Variants in DLG5 observed in about 807,000 individuals in gnomAD.
DLG5 encodes the protein discs large MAGUK scaffold protein 5.
In DLG5, 48 loss-of-function variants were observed where a neutral mutation model predicts 189.8. That is an observed-to-expected ratio of 0.25 (90% CI 0.20 to 0.32). The LOEUF (loss-of-function observed/expected upper bound fraction) is 0.32, where lower values mean the gene tolerates loss of function less well. Ranked by LOEUF, DLG5 falls within the 10% of genes least tolerant of loss-of-function variation. The pLI, the probability that DLG5 is intolerant of heterozygous loss-of-function variation, is 1.00. For missense variants in DLG5, 2,160 were observed against 2,544.7 expected (o/e 0.85, Z 3.25); for synonymous variants, 1,016 against 1,054.1 (o/e 0.96, Z 0.70).
intron 3 of DLG5, among the ~76,000 whole-genome samples, chr10:77,855,510 C>G (rs1359534485): frequency 1.3e-5 from 2 of 152,226 alleles, no homozygotes; most frequent in African/African-American, 2.4e-5. Context: ...TGCAACCACT[C>G]GACTCCACCT....
At chr10:77,816,965 G>T (rs369246074) in intron 19 of DLG5, 42 bp downstream of exon 19, 1 of 1,592,150 alleles carries the variant, frequency 6.3e-7, no homozygotes, top group East Asian at 2.2e-5. Context: ...GAGTCAGACC[G>T]CAGGAAAAGC....
intron 5 of DLG5, among the ~76,000 whole-genome samples, chr10:77,850,717 A>G (rs1843927612): frequency 6.6e-6 from 1 of 152,206 alleles, no homozygotes; most frequent in African/African-American, 2.4e-5. Context: ...GATTAGAATA[A>G]TATCATTAAC....
In DLG5 at chr10:77,814,464, TATATATA is replaced by T. The variant is rs1841943040; in HGVS notation, c.4025+2080_4025+2086del. ...GTACATAAATAATAAAGCATGTTTA[TATATATA>T]TATATATATATATATATATATATAT... On this transcript the variant is annotated intron_variant, in intron 20 of 31. Transcript: ENST00000372391. Among the ~76,000 whole-genome samples the T allele has an allele frequency of 2.7e-4, 8 of 30,096 alleles. No individual in the cohort carries two copies. The East Asian group carries it at 3.5e-3, about 13-fold the overall frequency. 19.7% of individuals were successfully genotyped at this position (30,096 alleles called of 152,430 possible).
chr10:77,894,542 GCT>G (rs1491383168), intron 1 of DLG5, among the ~76,000 whole-genome samples: 4 of 112,978 alleles, frequency 3.5e-5, no homozygotes, highest in African/African-American at 1.4e-4. Context: ...AAAGAATAAA[GCT>G]TTTTTTTTTT....
chr10:77,821,066 T>TG lies in DLG5; in HGVS notation c.3402+15dup. 1 of 1,589,548 alleles carries TG rather than the reference T, an allele frequency of 6.3e-7. No homozygotes were observed. ...CTCTAGGCCTCCCCTCCCCACACCC[T>TG]GGGGCTCAGCTATACCTCCAGGAAC... is the stretch of plus-strand genomic sequence containing the variant. On this transcript the variant is annotated intron_variant, in intron 15 of 31. Transcript: ENST00000372391.
intron 24 of DLG5, among the ~76,000 whole-genome samples, chr10:77,808,920 C>A (rs1325549496): frequency 6.6e-6 from 1 of 151,504 alleles, no homozygotes; most frequent in Non-Finnish European, 1.5e-5. Flanking sequence ...CATGATGAAA[C>A]CCCGTCTCTA....
chr10:77,808,939 A>G (rs1387135561), intron 24 of DLG5, among the ~76,000 whole-genome samples: 3 of 150,866 alleles, frequency 2.0e-5, no homozygotes, highest in African/African-American at 7.3e-5. Context: ...TACAAAAAAT[A>G]CAAAAATAAA....
the DLG5 span, among the ~76,000 whole-genome samples, chr10:77,935,571 C>T: frequency 8.6e-5 from 13 of 152,026 alleles, no homozygotes; most frequent in African/African-American, 2.4e-4. Flanking sequence ...CAGATCCTGG[C>T]GGTCTGCTCT....
chr10:77,811,839 C>A lies in DLG5; in HGVS notation c.4322+85G>T, dbSNP rs759254388. 14 of 1,474,948 alleles carry A rather than the reference C, an allele frequency of 9.5e-6. No individual in the cohort carries two copies. The South Asian group carries it at 1.1e-4, about 11-fold the overall frequency. The allele number at this position is 1,474,948 out of a possible 1,614,324, so 91.4% of individuals were successfully genotyped here. A position where few individuals can be genotyped will look rare whatever the true frequency, so the allele number is the denominator to read the frequency against. Reference sequence around the variant, plus strand: ...GATCCCCAGAACTTACGGCTGGCACCCTGGGTCTCCCTAAAATGAGCAGAG... The same window carrying A: ...GATCCCCAGAACTTACGGCTGGCACACTGGGTCTCCCTAAAATGAGCAGAG... On this transcript the variant is annotated intron_variant, in intron 22 of 31. Coordinates refer to ENST00000372391, the MANE Select transcript of DLG5 (RefSeq NM_004747.4).
Position 77,809,667 on chromosome 10 carries a change from C to T in DLG5, c.4527G>A (p.Gln1509=), listed in dbSNP as rs941393669. ...EPRVVFIKKS[Q]LELGVHLCGG... ...CACACAAGTGCACCCCAAGCTCCAG[C>T]TGGGACTTTTTGATGAAGACAACGC... The change falls in exon 24 of 32, where the codon CAG becomes CAA. Residue 1509 remains glutamine, a synonymous_variant. Coordinates refer to ENST00000372391, the MANE Select transcript of DLG5 (RefSeq NM_004747.4). The T allele has an allele frequency of 1.2e-6, 2 of 1,614,094 alleles. No individual in the cohort carries two copies. The highest frequency in any genetic ancestry group is 1.7e-6 in the Non-Finnish European group (2 of 1,180,044).
intron 12 of DLG5, 122 bp downstream of exon 12, chr10:77,829,233 T>C (rs1842788943): frequency 2.2e-6 from 3 of 1,375,236 alleles, no homozygotes; most frequent in African/African-American, 2.9e-5. Flanking sequence ...ATGGGCTACA[T>C]TTAAATGGCA....
chr10:77,910,987 GAAAAAAAA>G (rs55832630), intron 1 of DLG5, among the ~76,000 whole-genome samples: 30 of 84,268 alleles, frequency 3.6e-4, no homozygotes, highest in East Asian at 3.1e-3. Flanking sequence ...CTGTCTGAAG[GAAAAAAAA>G]AAAAAAAAAA....
At chr10:77,860,506 A>G (rs1844432122) in intron 2 of DLG5, among the ~76,000 whole-genome samples, 1 of 152,216 alleles carries the variant, frequency 6.6e-6, no homozygotes, top group Admixed American at 6.5e-5. Flanking sequence ...CATGTTGGCC[A>G]GGCTGGTCTC....
At chr10:77,834,070 T>G in intron 8 of DLG5, 31 bp from the exon 9 acceptor site, 1 of 1,594,632 alleles carries the variant, frequency 6.3e-7, no homozygotes, top group South Asian at 1.1e-5. Flanking sequence ...CAAGGTCATC[T>G]CAAGAGGCAT....
Position 77,891,429 on chromosome 10 carries a change from G to A in DLG5, c.305-22232C>T, listed in dbSNP as rs145335221. On this transcript the variant is annotated intron_variant, in intron 1 of 31. Coordinates refer to ENST00000372391, the MANE Select transcript of DLG5 (RefSeq NM_004747.4). ...CTTTGGTTTATCTCTGCATCTCACA[G>A]ACTGCAGCAGTGACTGGGACACAGT... Among the ~76,000 whole-genome samples, 114 of 152,242 alleles carry A rather than the reference G, an allele frequency of 7.5e-4. 1 individual carries two copies. The highest frequency in any genetic ancestry group is 2.6e-3 in the African/African-American group (109 of 41,528).
chr10:77,795,968 C>T (rs922432395), intron 29 of DLG5, 93 bp downstream of exon 29: 22 of 1,581,802 alleles, frequency 1.4e-5, no homozygotes, highest in African/African-American at 1.2e-4. Context: ...AGGTCTGAGC[C>T]GCTGGGGCAG....
intron 1 of DLG5, among the ~76,000 whole-genome samples, chr10:77,881,836 A>C (rs1845289931): frequency 6.6e-6 from 1 of 152,196 alleles, no homozygotes; most frequent in African/African-American, 2.4e-5. Flanking sequence ...GGAACTGCCC[A>C]AGTCACATGG....
intron 1 of DLG5, among the ~76,000 whole-genome samples, chr10:77,888,408 G>A (rs1845507177): frequency 6.6e-6 from 1 of 152,134 alleles, no homozygotes; most frequent in Non-Finnish European, 1.5e-5. Flanking sequence ...ACAAGGTCCT[G>A]GAGAGGAAAA....
intron 2 of DLG5, among the ~76,000 whole-genome samples, chr10:77,857,627 T>G (rs11002315): frequency 0.28 from 41,936 of 152,162 alleles, 6,426 homozygotes; most frequent in Non-Finnish European, 0.35. Context: ...GCCCCACACC[T>G]TATGCTCCTA....
Sources: gnomAD v4.1 joint callset for allele counts (sites outside exome capture counted in the v4.1 genomes callset) on GRCh38, gnomAD v4.1.1 for gene constraint, MANE v1.5 for transcripts, NCBI Gene and HGNC (gene_info 2026-07-23, HGNC 2026-07-21) for gene names.